Variants in MAPK10 observed in about 807,000 individuals in gnomAD.
MAPK10 encodes mitogen-activated protein kinase 10.
In MAPK10, 25 loss-of-function variants were observed where a neutral mutation model predicts 59.3. The ratio of observed to expected loss-of-function variants is 0.42; its 90% CI spans 0.31 to 0.59. The LOEUF (loss-of-function observed/expected upper bound fraction) is 0.59, where lower values mean the gene tolerates loss of function less well. Ranked by LOEUF, MAPK10 falls within the 20% of genes least tolerant of loss-of-function variation. The pLI is 0.15. For missense variants in MAPK10, 351 were observed against 568.9 expected (o/e 0.62, Z 3.90); for synonymous variants, 190 against 200.5 (o/e 0.95, Z 0.44).
At chr4:86,076,249 G>T (rs1018487046) in intron 9 of MAPK10, among the ~76,000 whole-genome samples, 1 of 152,108 alleles carries the variant, frequency 6.6e-6, no homozygotes, top group Non-Finnish European at 1.5e-5. Context: ...GCCCTGCTTC[G>T]GCTCGCGCAC....
At chr4:86,029,583 A>G (rs1476754509) in intron 12 of MAPK10, among the ~76,000 whole-genome samples, 1 of 152,162 alleles carries the variant, frequency 6.6e-6, no homozygotes, top group Non-Finnish European at 1.5e-5. Context: ...CATAAATAAC[A>G]TTTATTTCTA....
At chr4:86,183,495 T>TA (rs1338617745) in intron 3 of MAPK10, among the ~76,000 whole-genome samples, 1 of 152,062 alleles carries the variant, frequency 6.6e-6, no homozygotes. Flanking sequence ...CTGCATAGTA[T>TA]TCCATGGTGT....
chr4:86,136,315 C>A (rs1308573676), intron 4 of MAPK10, among the ~76,000 whole-genome samples: 1 of 152,106 alleles, frequency 6.6e-6, no homozygotes, highest in African/African-American at 2.4e-5. Context: ...AAGGGAAGCC[C>A]ATCAGACTAA....
intron 3 of MAPK10, among the ~76,000 whole-genome samples, chr4:86,171,458 G>C (rs200923757): frequency 4.0e-5 from 6 of 151,808 alleles, no homozygotes; most frequent in Admixed American, 2.0e-4. Context: ...ACAAACCTGA[G>C]AAAAACAAGC....
chr4:86,033,269 C>T (rs2039473436), intron 11 of MAPK10, among the ~76,000 whole-genome samples: 2 of 152,222 alleles, frequency 1.3e-5, no homozygotes, highest in South Asian at 4.1e-4. Context: ...TTTGCCTCTT[C>T]CTGAGCATGT....
At chr4:86,233,276 G>A (rs2091839545) in intron 2 of MAPK10, among the ~76,000 whole-genome samples, 1 of 152,076 alleles carries the variant, frequency 6.6e-6, no homozygotes, top group South Asian at 2.1e-4. Context: ...GGGTTACACA[G>A]AAATCCATCT....
At chr4:86,116,125 A>C (rs1430851168) in intron 4 of MAPK10, among the ~76,000 whole-genome samples, 1 of 152,254 alleles carries the variant, frequency 6.6e-6, no homozygotes, top group Non-Finnish European at 1.5e-5. Flanking sequence ...GAAATTATTA[A>C]AATATCAAAA....
At chr4:86,347,089 C>T (rs770682003) in intron 2 of MAPK10, among the ~76,000 whole-genome samples, 3 of 152,072 alleles carry the variant, frequency 2.0e-5, no homozygotes, top group Non-Finnish European at 1.5e-5. Flanking sequence ...GGATTTAAAG[C>T]ACTAACAAAC....
At chr4:86,468,957 G>A (rs1324305684) in intron 1 of MAPK10, among the ~76,000 whole-genome samples, 5 of 152,160 alleles carry the variant, frequency 3.3e-5, no homozygotes, top group Non-Finnish European at 5.9e-5. Context: ...TGACCAGGCT[G>A]GTCAGGGGAT....
chr4:86,592,065 A>C (rs1171970979), intron 1 of MAPK10, among the ~76,000 whole-genome samples: 3 of 152,048 alleles, frequency 2.0e-5, no homozygotes, highest in Non-Finnish European at 4.4e-5. Flanking sequence ...TCCTCCTTTG[A>C]CTTACTAATA....
At chr4:86,097,482 TTTC>T (rs1396414163) in intron 9 of MAPK10, among the ~76,000 whole-genome samples, 4 of 151,938 alleles carry the variant, frequency 2.6e-5, no homozygotes, top group African/African-American at 9.7e-5. Context: ...TTAATAAAAC[TTTC>T]TTATCAATCA....
At chr4:86,402,030 A>C (rs1173176402) in intron 1 of MAPK10, among the ~76,000 whole-genome samples, 2 of 152,152 alleles carry the variant, frequency 1.3e-5, no homozygotes, top group Admixed American at 6.6e-5. Context: ...CATAGTAATT[A>C]CTTCCATATG....
At chr4:86,198,694 T>C (rs1441284005) in intron 2 of MAPK10, among the ~76,000 whole-genome samples, 1 of 151,820 alleles carries the variant, frequency 6.6e-6, no homozygotes, top group African/African-American at 2.4e-5. Context: ...ATAATATATA[T>C]GCTAAGCTTT....
intron 2 of MAPK10, among the ~76,000 whole-genome samples, chr4:86,250,128 A>G (rs2093336988): frequency 6.6e-6 from 1 of 152,204 alleles, no homozygotes; most frequent in East Asian, 1.9e-4. Context: ...AGGTCTTGTC[A>G]TAGTGAATAG....
chr4:86,546,184 T>C (rs191834626), intron 1 of MAPK10, among the ~76,000 whole-genome samples: 1 of 151,598 alleles, frequency 6.6e-6, no homozygotes, highest in African/African-American at 2.4e-5. Context: ...GATGGCGCCA[T>C]TGCACTCCAG....
At chr4:86,135,188 C>T (rs180728862) in intron 4 of MAPK10, among the ~76,000 whole-genome samples, 5,582 of 152,302 alleles carry the variant, frequency 0.037, 258 homozygotes, top group African/African-American at 0.11. Flanking sequence ...CCCACCACAG[C>T]TCAAGGAGGC....
rs2094628376 is a variant in MAPK10 at position 86,277,635 on chromosome 4, TGC to T, written c.-7+76893_-7+76894del. ...CTTTTTTTAAGTGTTAAGTTATATTTGCAAGCAAAGTTACACAGAGTAAGATG... is the reference window on the plus strand; with the variant it reads ...CTTTTTTTAAGTGTTAAGTTATATTTAAGCAAAGTTACACAGAGTAAGATG... On this transcript the variant is annotated intron_variant, in intron 2 of 13. Coordinates refer to ENST00000641462, the MANE Select transcript of MAPK10 (RefSeq NM_138982.4). 7.9e-5 allele frequency among the ~76,000 whole-genome samples: 12 copies of T among 152,276 alleles called. No homozygotes were observed. In the South Asian group the frequency reaches 2.5e-3, roughly 32 times the overall value.
In MAPK10 at chr4:86,325,658, G is replaced by A. The variant is rs1325277096; in HGVS notation, c.-7+28872C>T. ...ATGACATTAGAACATTCCTATTTTTGTTGCAGTTTCAATGTAAAGCAGCTC... is the reference window on the plus strand; with the variant it reads ...ATGACATTAGAACATTCCTATTTTTATTGCAGTTTCAATGTAAAGCAGCTC... On this transcript the variant is annotated intron_variant, in intron 2 of 13. Transcript: ENST00000641462. 2.0e-5 allele frequency among the ~76,000 whole-genome samples: 3 copies of A among 152,190 alleles called. No homozygotes were observed. The East Asian group carries it at 5.8e-4, about 29-fold the overall frequency.
rs11736794 is a variant in MAPK10, at chr4:86,519,261, G to A, written c.-263+74649C>T. Reference sequence around the variant, plus strand: ...TGTTGGCATCTATCTTATTTCTTACGTCTAGTAGTAATTGTTTTATAAACT... The same window carrying A: ...TGTTGGCATCTATCTTATTTCTTACATCTAGTAGTAATTGTTTTATAAACT... On this transcript the variant is annotated intron_variant, in intron 1 of 4. Coordinates refer to the MAPK10 transcript ENST00000502302. Among the ~76,000 whole-genome samples the A allele has an allele frequency of 5.9e-3, 903 of 152,148 alleles. 7 individuals carry two copies. Among genetic ancestry groups the A allele is most frequent in the Middle Eastern group, 0.01 (3 of 292 alleles).
Sources: allele counts gnomAD v4.1 joint callset (sites outside exome capture counted in the v4.1 genomes callset), GRCh38; gene constraint gnomAD v4.1.1; transcripts MANE v1.5; gene names NCBI Gene and HGNC (gene_info 2026-07-23, HGNC 2026-07-21).